Variants in ZMAT4 observed in about 807,000 individuals in gnomAD.
ZMAT4 encodes the protein zinc finger matrin-type protein 4.
ZMAT4 carries 17 observed loss-of-function variants against 28.7 expected under a neutral mutation model. The observed-to-expected ratio is 0.59, with a 90% CI of 0.41 to 0.89. ZMAT4 has a LOEUF of 0.89. Ranked by LOEUF, ZMAT4 falls within the 40% of genes least tolerant of loss-of-function variation. The pLI is 0.00. For synonymous variants in ZMAT4, 117 were observed against 109.2 expected (o/e 1.07, Z -0.44); for missense variants, 240 against 283.8 (o/e 0.85, Z 1.11).
At chr8:40,824,700 A>G (rs60436703) in intron 2 of ZMAT4, among the ~76,000 whole-genome samples, 5,205 of 148,612 alleles carry the variant, frequency 0.035, 212 homozygotes, top group East Asian at 0.2. Context: ...ATAAAGAAAG[A>G]AAGAAAAGAA....
intron 5 of ZMAT4, among the ~76,000 whole-genome samples, chr8:40,582,986 G>A (rs1804543779): frequency 6.6e-6 from 1 of 152,164 alleles, no homozygotes; most frequent in South Asian, 2.1e-4. Flanking sequence ...AAGTGGTCAC[G>A]AACCCGTGCT....
intron 3 of ZMAT4, among the ~76,000 whole-genome samples, chr8:40,745,179 AG>A (rs1316883507): frequency 1.3e-5 from 2 of 152,136 alleles, no homozygotes; most frequent in African/African-American, 4.8e-5. Context: ...AATCGTTTCT[AG>A]CCTGGGTGAA....
chr8:40,707,160 C>G lies in ZMAT4; in HGVS notation c.193-9759G>C, dbSNP rs572652391. Among the ~76,000 whole-genome samples the G allele has an allele frequency of 1.2e-4, 18 of 152,184 alleles. No individual in the cohort carries two copies. The South Asian group carries it at 3.7e-3, about 32-fold the overall frequency. On this transcript the variant is annotated intron_variant, in intron 3 of 6. Transcript: ENST00000297737. ...CTTCATTAGGCTTCCCCGGGACATC[C>G]CACCACAAAGACAGCTGATGCTTCC... is the stretch of plus-strand genomic sequence containing the variant.
intron 2 of ZMAT4, among the ~76,000 whole-genome samples, chr8:40,777,173 A>G (rs1174572087): frequency 6.6e-6 from 1 of 152,262 alleles, no homozygotes; most frequent in African/African-American, 2.4e-5. Context: ...GATAGCAGCA[A>G]TACTTAAAAA....
At chr8:40,668,564 GA>G (rs999427662) in intron 5 of ZMAT4, among the ~76,000 whole-genome samples, 3 of 151,546 alleles carry the variant, frequency 2.0e-5, no homozygotes, top group Non-Finnish European at 2.9e-5. Context: ...CTATTCTAGG[GA>G]AAAAAAATGC....
At chr8:40,753,445 T>C (rs1235586737) in intron 3 of ZMAT4, among the ~76,000 whole-genome samples, 1 of 152,198 alleles carries the variant, frequency 6.6e-6, no homozygotes, top group African/African-American at 2.4e-5. Flanking sequence ...CCTTCTCTGA[T>C]TCCAAAGACC....
intron 5 of ZMAT4, among the ~76,000 whole-genome samples, chr8:40,583,893 T>G (rs1471826996): frequency 6.6e-6 from 1 of 152,186 alleles, no homozygotes; most frequent in Non-Finnish European, 1.5e-5. Flanking sequence ...CAAATGTGCA[T>G]TTTTACATCA....
intron 6 of ZMAT4, among the ~76,000 whole-genome samples, chr8:40,577,662 T>C (rs1380926113): frequency 6.6e-6 from 1 of 152,134 alleles, no homozygotes; most frequent in African/African-American, 2.4e-5. Context: ...GTTCTCAATA[T>C]AAAGAAATGA....
intron 1 of ZMAT4, among the ~76,000 whole-genome samples, chr8:40,843,311 C>G (rs1243453120): frequency 6.6e-6 from 1 of 152,188 alleles, no homozygotes; most frequent in Non-Finnish European, 1.5e-5. Flanking sequence ...CTCGACCCCA[C>G]AGCCCCATGA....
chr8:40,870,142 T>A (rs1405186408), intron 1 of ZMAT4, among the ~76,000 whole-genome samples: 1 of 152,192 alleles, frequency 6.6e-6, no homozygotes, highest in Non-Finnish European at 1.5e-5. Flanking sequence ...AGTGAATGTA[T>A]CTGTACCAGG....
At chr8:40,577,097 G>C (rs1245185226) in intron 6 of ZMAT4, among the ~76,000 whole-genome samples, 3 of 152,126 alleles carry the variant, frequency 2.0e-5, no homozygotes, top group African/African-American at 7.2e-5. Context: ...GGGAGGCTGA[G>C]ACAGGAGAAT....
At chr8:40,812,866 A>C (rs1815377233) in intron 2 of ZMAT4, among the ~76,000 whole-genome samples, 1 of 151,962 alleles carries the variant, frequency 6.6e-6, no homozygotes, top group African/African-American at 2.4e-5. Flanking sequence ...CTGGGAGGTG[A>C]AGGTTGCAGT....
intron 3 of ZMAT4, among the ~76,000 whole-genome samples, chr8:40,741,427 A>G (rs2150534882): frequency 6.6e-6 from 1 of 150,378 alleles, no homozygotes; most frequent in South Asian, 2.2e-4. Context: ...AGTCTGGACG[A>G]AAGAGCGGAA....
intron 2 of ZMAT4, among the ~76,000 whole-genome samples, chr8:40,808,162 G>A (rs563362445): frequency 2.0e-5 from 3 of 152,190 alleles, no homozygotes; most frequent in African/African-American, 4.8e-5. Flanking sequence ...AAGCAGACAC[G>A]AGGCAATAAC....
intron 6 of ZMAT4, among the ~76,000 whole-genome samples, chr8:40,562,793 T>C (rs1173836892): frequency 1.3e-5 from 2 of 152,114 alleles, no homozygotes; most frequent in African/African-American, 4.8e-5. Flanking sequence ...ACACCTTCCT[T>C]CTTGAAATGT....
intron 5 of ZMAT4, among the ~76,000 whole-genome samples, chr8:40,618,105 A>G (rs1806075745): frequency 6.6e-6 from 1 of 152,228 alleles, no homozygotes; most frequent in Admixed American, 6.5e-5. Flanking sequence ...TCTAGGCACC[A>G]GATTTCCACC....
At chr8:40,719,553 A>C (rs1167954188) in intron 3 of ZMAT4, among the ~76,000 whole-genome samples, 3 of 152,122 alleles carry the variant, frequency 2.0e-5, no homozygotes, top group African/African-American at 7.2e-5. Flanking sequence ...TTCGTGGAGA[A>C]GGCACTCAAG....
intron 5 of ZMAT4, among the ~76,000 whole-genome samples, chr8:40,627,262 C>T (rs1315275580): frequency 6.6e-6 from 1 of 152,160 alleles, no homozygotes; most frequent in Non-Finnish European, 1.5e-5. Flanking sequence ...ACTAAGCACA[C>T]TAAGAATGTA....
chr8:40,541,286 C>T (rs1803019522), intron 6 of ZMAT4, among the ~76,000 whole-genome samples: 1 of 151,956 alleles, frequency 6.6e-6, no homozygotes, highest in African/African-American at 2.4e-5. Context: ...CTTCTAGAAG[C>T]CAAGAGTAGC....
Sources: gnomAD v4.1 joint callset for allele counts (sites outside exome capture counted in the v4.1 genomes callset) on GRCh38, gnomAD v4.1.1 for gene constraint, MANE v1.5 for transcripts, NCBI Gene and HGNC (gene_info 2026-07-23, HGNC 2026-07-21) for gene names.